Variants in KMT2D observed in about 807,000 individuals in gnomAD.
The protein encoded by KMT2D is lysine methyltransferase 2D, also known as histone-lysine N-methyltransferase 2D.
A neutral mutation model predicts 512.7 loss-of-function variants in KMT2D; 55 were observed. That is an observed-to-expected ratio of 0.11 (90% CI 0.09 to 0.13). KMT2D has a LOEUF of 0.13. Ranked by LOEUF, KMT2D falls within the 10% of genes least tolerant of loss-of-function variation. The pLI is 1.00. For synonymous variants in KMT2D, 2,995 were observed against 2,904.0 expected, an observed-to-expected ratio of 1.03 and a Z score of -1.01; for missense variants, 6,061 against 7,127.9, an observed-to-expected ratio of 0.85 and a Z score of 5.39.
intron 46 of KMT2D, among the ~76,000 whole-genome samples, chr12:49,028,408 A>G (rs1942719064): frequency 6.6e-6 from 1 of 152,218 alleles, no homozygotes. Context: ...GAGGCTCATG[A>G]TACACGTTAG....
chr12:49,049,715 C>T lies in KMT2D; in HGVS notation c.3873G>A (p.Arg1291=), dbSNP rs2120638865. The T allele has an allele frequency of 6.2e-7, 1 of 1,600,536 alleles. No homozygotes were observed. Among genetic ancestry groups the T allele is most frequent in the Non-Finnish European group, 8.5e-7 (1 of 1,169,668 alleles). The change falls in exon 12 of 55, where the codon CGG becomes CGA. Residue 1291 remains arginine (R), a synonymous_variant. Transcript: ENST00000301067. ...TGCGGGAACGGGCTGGGGAGCTGCGCCGCCGCCCCTTCTCCCCCTCAGCTT... is the reference window on the plus strand; with the variant it reads ...TGCGGGAACGGGCTGGGGAGCTGCGTCGCCGCCCCTTCTCCCCCTCAGCTT... The part of the protein sequence containing the change: ...GGKAEGEKGR[R]RSSPARSRIK...
rs775515120 is a variant in KMT2D, at chr12:49,041,177, G to C, written c.6593C>G (p.Pro2198Arg). The change falls in exon 32 of 55, where the codon CCC becomes CGC. Residue 2198 changes from proline (P) to arginine (R), a missense_variant. Pro to Arg is a moderately radical substitution (Grantham distance 103, BLOSUM62 -2). Coordinates refer to ENST00000301067, the MANE Select transcript of KMT2D (RefSeq NM_003482.4). This position sits in a 1 kb window ranked among gnomAD's most constrained non-coding sequence, Gnocchi z 5.4. Reference sequence around the variant, plus strand: ...AGGGGCCCCCGTAGGACTAGGATAGGGGGGATAGGTGGGCGGTGCCGTGGG... The same window carrying C: ...AGGGGCCCCCGTAGGACTAGGATAGCGGGGATAGGTGGGCGGTGCCGTGGG... ...RFPTAPPTYP[P>R]YPSPTGAPAQ... is the part of the protein sequence containing the mutation. 9 of 1,519,292 alleles carry C rather than the reference G, an allele frequency of 5.9e-6. No homozygotes were observed. Among genetic ancestry groups the C allele is most frequent in the East Asian group, 4.5e-5 (2 of 44,120 alleles). 94.1% of individuals were successfully genotyped at this position (1,519,292 alleles called of 1,614,324 possible).
chr12:49,055,225 G>T, intron 2 of KMT2D, 51 bp downstream of exon 2: 1 of 1,600,846 alleles, frequency 6.2e-7, no homozygotes, highest in Non-Finnish European at 8.6e-7. Context: ...GACCAGAAAT[G>T]TAAGGTTGCC....
rs768255761 is a variant in KMT2D at position 49,032,795 on chromosome 12, CTGCTGCTGTTGA to C, written c.11898_11909del (p.Phe3966_Gln3970delinsLeu). 6.4e-7 allele frequency: 1 copy of C among 1,553,342 alleles called. No individual in the cohort carries two copies. The highest frequency in any genetic ancestry group is 8.7e-7 in the Non-Finnish European group (1 of 1,147,982). On this transcript the variant is annotated inframe_deletion, in exon 40 of 55. Transcript: ENST00000301067. ...TTAAAAGGCCCATCTGCTGCTGTTGCTGCTGCTGTTGAAACTGCTGCTGTTGTTGTTGCTGTT... is the reference window on the plus strand; with the variant it reads ...TTAAAAGGCCCATCTGCTGCTGTTGCAACTGCTGCTGTTGTTGTTGCTGTT...
Position 49,032,588 on chromosome 12 carries a change from C to T in KMT2D, c.12117G>A (p.Glu4039=), listed in dbSNP as rs754635691. 2 of 1,613,752 alleles carry T rather than the reference C, an allele frequency of 1.2e-6. No homozygotes were observed. The highest frequency in any genetic ancestry group is 1.3e-5 in the African/African-American group (1 of 74,916). The change falls in exon 40 of 55, where the codon GAG becomes GAA. Residue 4039 remains glutamate, a synonymous_variant. Coordinates refer to ENST00000301067, the MANE Select transcript of KMT2D (RefSeq NM_003482.4). ...VDPAVSSEAT[E]GPSTHQGGPL... is the part of the protein sequence containing the mutation. The stretch of plus-strand genomic sequence containing the variant: ...GCCCTCCCTGATGTGTAGAGGGCCC[C>T]TCAGTGGCCTCTGAAGAAACGGCTG...
In KMT2D at chr12:49,041,189, G is replaced by C. The variant is rs2120543138; in HGVS notation, c.6581C>G (p.Pro2194Arg). The C allele has an allele frequency of 6.6e-7, 1 of 1,516,056 alleles. No homozygotes were observed. The highest frequency in any genetic ancestry group is 1.4e-5 in the African/African-American group (1 of 71,646). The allele number at this position is 1,516,056 out of a possible 1,614,324, so 93.9% of individuals were successfully genotyped here. ...PLEPRFPTAP[P>R]TYPPYPSPTG... ...AGGACTAGGATAGGGGGGATAGGTGGGCGGTGCCGTGGGGAAGCGGGGCTC... is the reference window on the plus strand; with the variant it reads ...AGGACTAGGATAGGGGGGATAGGTGCGCGGTGCCGTGGGGAAGCGGGGCTC... Residue 2194 changes from proline to arginine, a missense_variant, in exon 32 of 55, where the codon CCC becomes CGC. By Grantham distance (103) the Pro-to-Arg change is moderately radical. Around this residue, in one of 16 missense-constraint regions of KMT2D, gnomAD observed 710 missense variants for 647.3 expected, o/e 1.10. Transcript: ENST00000301067. The surrounding 1 kb of genome is among the most constrained non-coding windows in gnomAD (Gnocchi z 5.4).
At chr12:49,047,593 AT>A (rs3837453) in intron 15 of KMT2D, among the ~76,000 whole-genome samples, 99,874 of 151,098 alleles carry the variant, frequency 0.66, 33,761 homozygotes, top group African/African-American at 0.79. Context: ...AATTTTTGTT[AT>A]TTTTTAGAAG....
Position 49,026,804 on chromosome 12 carries a change from C to T in KMT2D, c.15162G>A (p.Leu5054=), listed in dbSNP as rs1565760259. 6 of 1,612,816 alleles carry T rather than the reference C, an allele frequency of 3.7e-6. No homozygotes were observed. The highest frequency in any genetic ancestry group is 4.2e-6 in the Non-Finnish European group (5 of 1,178,886). The change falls in exon 49 of 55, where the codon CTG becomes CTA. Residue 5054 remains leucine, a synonymous_variant. Transcript: ENST00000301067. This position sits in a 1 kb window ranked among gnomAD's most constrained non-coding sequence, Gnocchi z 9.6. ...CACAGTTGAGGTGCACCCACAGGTC[C>T]AGGTCCAGGTTCAGCAGACGGGCAG... ...DGPARLLNLD[L]DLWVHLNCAL...
At chr12:49,059,293 T>C (rs377256278) in intron 1 of KMT2D, among the ~76,000 whole-genome samples, 280 of 152,172 alleles carry the variant, frequency 1.8e-3, no homozygotes, top group African/African-American at 6.4e-3. Context: ...GGATTGGTGC[T>C]GGCATCAGGG....
At chr12:49,029,588 C>T in intron 43 of KMT2D, 112 bp from the exon 44 acceptor site, 1 of 757,006 alleles carries the variant, frequency 1.3e-6, no homozygotes, top group Non-Finnish European at 2.2e-6. Flanking sequence ...TCATGATTAG[C>T]TGTCCTCCCA....
chr12:49,025,739 G>C (rs190121783), intron 49 of KMT2D, among the ~76,000 whole-genome samples: 12 of 152,282 alleles, frequency 7.9e-5, no homozygotes, highest in Admixed American at 7.2e-4. Context: ...AAATCACTTA[G>C]CTTAGTTTGT....
In KMT2D at chr12:49,032,146, C is replaced by T. The variant is rs1213982853; in HGVS notation, c.12559G>A (p.Gly4187Arg). The stretch of plus-strand genomic sequence containing the variant: ...CCCACCGTAGGCATGATTCCAACCC[C>T]AGGCAGACCCTGCCCAGACTGGAGG... ...PVLQSGQGLPGVGIMPTVGQL... is the reference protein window; with the variant it reads ...PVLQSGQGLPRVGIMPTVGQL... Residue 4187 changes from glycine to arginine, a missense_variant, in exon 40 of 55, where the codon GGG (glycine) becomes AGG (arginine). Transcript: ENST00000301067. The T allele has an allele frequency of 1.9e-6, 3 of 1,613,558 alleles. No homozygotes were observed. The highest frequency in any genetic ancestry group is 2.5e-6 in the Non-Finnish European group (3 of 1,179,704).
At position 49,032,639 on chromosome 12, in the gene KMT2D, C is replaced by T. The variant is rs768920850; in HGVS notation, c.12066G>A (p.Thr4022=). The change falls in exon 40 of 55, where the codon ACG becomes ACA. Residue 4022 remains threonine (T), a synonymous_variant. Coordinates refer to ENST00000301067, the MANE Select transcript of KMT2D (RefSeq NM_003482.4). The part of the protein sequence containing the change: ...PGALGPTLLL[T]GKEQNTVDPA... ...GGTCTACGGTGTTTTGTTCCTTGCC[C>T]GTCAGGAGGAGGGTTGGACCCAGGG... 2.0e-5 allele frequency: 33 copies of T among 1,613,774 alleles called. No individual in the cohort carries two copies. Among genetic ancestry groups the T allele is most frequent in the Non-Finnish European group, 2.6e-5 (31 of 1,179,868 alleles).
In KMT2D at chr12:49,034,159, T is replaced by C; in HGVS notation, c.10648A>G (p.Lys3550Glu). 1 of 1,613,440 alleles carries C rather than the reference T, an allele frequency of 6.2e-7. No individual in the cohort carries two copies. The change falls in exon 39 of 55, where the codon AAA (lysine) becomes GAA (glutamate). Residue 3550 changes from lysine (K) to glutamate (E), a missense_variant. By Grantham distance (56) the Lys-to-Glu change is moderately conservative. This residue lies in a region of KMT2D where 50 missense variants were observed against 119.9 expected (regional missense o/e 0.42). Coordinates refer to ENST00000301067, the MANE Select transcript of KMT2D (RefSeq NM_003482.4). ...KALCAKQRTA[K>E]KAGREFPEAD... ...TCTGGGAACTCACGGCCAGCTTTTT[T>C]GGCAGTGCGCTGCTTGGCACACAGA... is the stretch of plus-strand genomic sequence containing the variant.
Position 49,054,442 on chromosome 12 carries a change from G to A in KMT2D, c.401-26C>T, listed in dbSNP as rs1338209584. 3.2e-6 allele frequency: 5 copies of A among 1,569,376 alleles called. No homozygotes were observed. The South Asian group carries it at 4.7e-5, about 15-fold the overall frequency. On this transcript the variant is annotated intron_variant, in intron 4 of 54. Coordinates refer to ENST00000301067, the MANE Select transcript of KMT2D (RefSeq NM_003482.4). The surrounding 1 kb of genome is among the most constrained non-coding windows in gnomAD (Gnocchi z 6.4). ...CTTTACAGGTGGGAAGAGGTAAAGA[G>A]AAAGGAAAGAATTAACAAAAAGAGG...
intron 51 of KMT2D, among the ~76,000 whole-genome samples, chr12:49,023,483 T>C (rs1942427542): frequency 6.6e-6 from 1 of 152,238 alleles, no homozygotes; most frequent in Admixed American, 6.5e-5. Flanking sequence ...GACGGCTGCC[T>C]GGCAGGATGC....
At position 49,041,219 on chromosome 12, in the gene KMT2D, G is replaced by T. The variant is rs745605673; in HGVS notation, c.6551C>A (p.Pro2184His). 6.6e-7 allele frequency: 1 copy of T among 1,512,676 alleles called. No homozygotes were observed. Among genetic ancestry groups the T allele is most frequent in the Non-Finnish European group, 8.8e-7 (1 of 1,133,618 alleles). The allele number at this position is 1,512,676 out of a possible 1,614,324, so 93.7% of individuals were successfully genotyped here. ...TGCCGTGGGGAAGCGGGGCTCCAGGGGATAGGCAGGGGCCAGTCCAAAGGG... is the reference window on the plus strand; with the variant it reads ...TGCCGTGGGGAAGCGGGGCTCCAGGTGATAGGCAGGGGCCAGTCCAAAGGG... ...QDPFGLAPAY[P>H]LEPRFPTAPP... is the part of the protein sequence containing the mutation. The change falls in exon 32 of 55, where the codon CCC (proline) becomes CAC (histidine). Residue 2184 changes from proline to histidine, a missense_variant. Around this residue, in one of 16 missense-constraint regions of KMT2D, gnomAD observed 710 missense variants for 647.3 expected, o/e 1.10. Coordinates refer to ENST00000301067, the MANE Select transcript of KMT2D (RefSeq NM_003482.4). The surrounding 1 kb of genome is among the most constrained non-coding windows in gnomAD (Gnocchi z 5.4).
At position 49,034,556 on chromosome 12, in the gene KMT2D, G is replaced by C. The variant is rs1308786175; in HGVS notation, c.10440+26C>G. The C allele has an allele frequency of 3.1e-6, 5 of 1,612,514 alleles. No individual in the cohort carries two copies. In the African/African-American group the frequency reaches 6.7e-5, roughly 22 times the overall value. On this transcript the variant is annotated intron_variant, in intron 37 of 54. Coordinates refer to ENST00000301067, the MANE Select transcript of KMT2D (RefSeq NM_003482.4). ...GGTGGCCCAGTGGCATAAGACACAA[G>C]TTCCTACTCCCACCTGACCACTTAC...
chr12:49,050,695 C>T lies in KMT2D; in HGVS notation c.2893G>A (p.Gly965Arg). ...GELEYPFGAK[G>R]DSDPESPLAA... ...AACGGTGACTCAGGGTCACTGTCCC[C>T]TTTGGCACCAAAGGGGTACTCTAAC... Residue 965 changes from glycine (G) to arginine (R), a missense_variant, in exon 12 of 55, where the codon GGG (glycine) becomes AGG (arginine). Physicochemically the swap from Gly to Arg is moderately radical, Grantham distance 125 (BLOSUM62 -2). Around this residue, in one of 16 missense-constraint regions of KMT2D, gnomAD observed 848 missense variants for 838.5 expected, o/e 1.01. Coordinates refer to ENST00000301067, the MANE Select transcript of KMT2D (RefSeq NM_003482.4). 6.2e-7 allele frequency: 1 copy of T among 1,613,490 alleles called. No individual in the cohort carries two copies. The highest frequency in any genetic ancestry group is 8.5e-7 in the Non-Finnish European group (1 of 1,179,736).
Sources: allele counts gnomAD v4.1 joint callset (sites outside exome capture counted in the v4.1 genomes callset), GRCh38; gene constraint gnomAD v4.1.1; regional missense constraint gnomAD v4.1.1; non-coding constraint Gnocchi (gnomAD v3.1); transcripts MANE v1.5; gene names NCBI Gene and HGNC (gene_info 2026-07-23, HGNC 2026-07-21).